ACACA: variants seen among roughly 807,000 people sequenced by gnomAD.
ACACA encodes acetyl-CoA carboxylase alpha, also known as acetyl-CoA carboxylase 1.
A neutral mutation model predicts 296.1 loss-of-function variants in ACACA; 103 were observed. The ratio of observed to expected loss-of-function variants is 0.35; its 90% CI spans 0.30 to 0.41. ACACA has a LOEUF of 0.41. ACACA is among the 10% of genes least tolerant of loss of function. ACACA has a pLI of 1.00. For missense variants in ACACA, 1,554 were observed against 2,989.7 expected (o/e 0.52, Z 11.20); for synonymous variants, 953 against 1,038.6 (o/e 0.92, Z 1.58).
intron 45 of ACACA, among the ~76,000 whole-genome samples, chr17:37,134,687 A>G (rs912483620): frequency 1.3e-5 from 2 of 152,150 alleles, no homozygotes; most frequent in African/African-American, 4.8e-5. Context: ...CAGGACATCT[A>G]TTTAAGGAAG....
chr17:37,123,656 G>A (rs1292569905), intron 48 of ACACA, among the ~76,000 whole-genome samples: 1 of 152,130 alleles, frequency 6.6e-6, no homozygotes, highest in African/African-American at 2.4e-5. Flanking sequence ...GGGCTGACAA[G>A]GGCCTGAGTG....
At chr17:37,141,959 G>A (rs2143837248) in intron 45 of ACACA, among the ~76,000 whole-genome samples, 1 of 151,586 alleles carries the variant, frequency 6.6e-6, no homozygotes, top group South Asian at 2.1e-4. Flanking sequence ...CCAAAGTGCT[G>A]GGATTACAGG....
At chr17:37,125,538 A>C (rs552194516) in intron 48 of ACACA, among the ~76,000 whole-genome samples, 160 bp downstream of exon 48, 2 of 152,356 alleles carry the variant, frequency 1.3e-5, no homozygotes, top group South Asian at 4.1e-4. Context: ...ACTGAGAACC[A>C]GCACTCCAAT....
chr17:37,276,084 A>T (rs1276575837), intron 7 of ACACA, 35 bp from the exon 8 acceptor site: 1 of 1,529,756 alleles, frequency 6.5e-7, no homozygotes, highest in Non-Finnish European at 9.1e-7. Context: ...CCTGACTGTA[A>T]CACCTTGGCC....
At chr17:37,144,094 T>C (rs897475780) in intron 45 of ACACA, 22 of 762,204 alleles carry the variant, frequency 2.9e-5, no homozygotes, top group Non-Finnish European at 3.2e-5. Context: ...ATAATGGGTC[T>C]TGTCTGTCTT....
chr17:37,319,550 C>A (rs777514366), intron 3 of ACACA, among the ~76,000 whole-genome samples: 1 of 152,004 alleles, frequency 6.6e-6, no homozygotes, highest in Non-Finnish European at 1.5e-5. Context: ...AGGCTGGGCA[C>A]GGTAGCTCAC....
At chr17:37,279,535 G>A (rs2082414944) in intron 5 of ACACA, among the ~76,000 whole-genome samples, 1 of 151,970 alleles carries the variant, frequency 6.6e-6, no homozygotes, top group Non-Finnish European at 1.5e-5. Flanking sequence ...GACAGAGTGA[G>A]GCTGAGGGAG....
At chr17:37,181,608 C>T (rs1364660722) in intron 39 of ACACA, among the ~76,000 whole-genome samples, 1 of 151,824 alleles carries the variant, frequency 6.6e-6, no homozygotes, top group Non-Finnish European at 1.5e-5. Context: ...TTGAAATCAA[C>T]AAGAAAGAAG....
chr17:37,289,565 G>A lies in ACACA; in HGVS notation c.339-4595C>T, dbSNP rs770642054. The A allele has an allele frequency of 2.2e-5, 27 of 1,214,158 alleles. 1 individual carries two copies. The East Asian group carries it at 1.2e-3, about 55-fold the overall frequency. 75.2% of individuals were successfully genotyped at this position (1,214,158 alleles called of 1,614,324 possible). ...AAAATGTCAATCAAAATGCAAACTA[G>A]GACTGATCTTCTTAGGAACTTCCAT... On this transcript the variant is annotated intron_variant, in intron 3 of 55. Coordinates refer to ENST00000616317, the MANE Select transcript of ACACA (RefSeq NM_198834.3).
At chr17:37,155,536 G>A (rs565412144) in intron 43 of ACACA, 147 bp downstream of exon 43, 50 of 649,544 alleles carry the variant, frequency 7.7e-5, no homozygotes, top group Non-Finnish European at 1.3e-4. Flanking sequence ...GCTAATAAGT[G>A]GTAGAGCTGG....
At chr17:37,289,300 C>T (rs1029568775) in intron 3 of ACACA, 4 of 420,536 alleles carry the variant, frequency 9.5e-6, no homozygotes, top group Admixed American at 3.8e-5. Flanking sequence ...TTTAACTGTC[C>T]ACATAAAACA....
At chr17:37,314,545 C>G (rs993901145) in intron 3 of ACACA, among the ~76,000 whole-genome samples, 2 of 151,920 alleles carry the variant, frequency 1.3e-5, no homozygotes, top group Non-Finnish European at 2.9e-5. Context: ...ATACCAGACT[C>G]TCCTGGAAAG....
In ACACA at chr17:37,257,577, T is replaced by G. The variant is rs374348999; in HGVS notation, c.1826+126A>C. On this transcript the variant is annotated intron_variant, in intron 14 of 55. Transcript: ENST00000616317. ...AAGTGTAATTAAAGATATTCAAAAT[T>G]TCTTCAAAAAGGTTGTTCATATTAT... The G allele has an allele frequency of 2.9e-5, 26 of 887,904 alleles. No individual in the cohort carries two copies. In the East Asian group the frequency reaches 4.5e-4, roughly 15 times the overall value. The allele number at this position is 887,904 out of a possible 1,614,324, so 55.0% of individuals were successfully genotyped here. A position where few individuals can be genotyped will look rare whatever the true frequency, so the allele number is the denominator to read the frequency against.
intron 47 of ACACA, among the ~76,000 whole-genome samples, 195 bp from the exon 48 acceptor site, chr17:37,125,989 T>TAAAA (rs2074765260): frequency 1.3e-5 from 2 of 152,234 alleles, no homozygotes; most frequent in African/African-American, 2.4e-5. Flanking sequence ...TTTCATTTGC[T>TAAAA]AGTCTGCATA....
intron 3 of ACACA, among the ~76,000 whole-genome samples, chr17:37,300,021 C>T (rs1213942567): frequency 1.3e-5 from 2 of 152,122 alleles, no homozygotes; most frequent in African/African-American, 2.4e-5. Context: ...AAGTGTGAGC[C>T]ACGATTCTAA....
intron 3 of ACACA, among the ~76,000 whole-genome samples, chr17:37,322,528 G>A (rs1190603728): frequency 1.3e-5 from 2 of 152,134 alleles, no homozygotes; most frequent in African/African-American, 4.8e-5. Flanking sequence ...TGTACCTATG[G>A]ACCTAAGTGA....
At chr17:37,125,232 T>G (rs1250828428) in intron 48 of ACACA, among the ~76,000 whole-genome samples, 2 of 150,846 alleles carry the variant, frequency 1.3e-5, no homozygotes, top group Non-Finnish European at 3.0e-5. Context: ...TTTTTTTTTT[T>G]GGCAATTCAC....
chr17:37,290,791 T>G (rs771504175), intron 3 of ACACA, among the ~76,000 whole-genome samples: 62 of 152,072 alleles, frequency 4.1e-4, no homozygotes, highest in Non-Finnish European at 8.1e-4. Flanking sequence ...ACGTATAAAA[T>G]ACGCTAACAC....
chr17:37,088,998 G>A lies in ACACA; in HGVS notation c.6968C>T (p.Ser2323Leu), dbSNP rs770581681. Residue 2323 changes from serine (S) to leucine (L), a missense_variant, in exon 55 of 56, where the codon TCG (serine) becomes TTG (leucine). Around this residue, in one of 16 missense-constraint regions of ACACA, gnomAD observed 553 missense variants for 1,043.6 expected, o/e 0.53. Transcript: ENST00000616317. ...KQLTEEDGVH[S>L]VIEENIKCIS... ...GCATTTGATGTTTTCCTCTATTACCGAGTGAACACCATCCTCCTCTGTCAG... is the reference window on the plus strand; with the variant it reads ...GCATTTGATGTTTTCCTCTATTACCAAGTGAACACCATCCTCCTCTGTCAG... 19 of 1,613,986 alleles carry A rather than the reference G, an allele frequency of 1.2e-5. No homozygotes were observed. Among genetic ancestry groups the A allele is most frequent in the Admixed American group, 1.7e-5 (1 of 59,990 alleles).
Sources: allele counts gnomAD v4.1 joint callset (sites outside exome capture counted in the v4.1 genomes callset), GRCh38; gene constraint gnomAD v4.1.1; regional missense constraint gnomAD v4.1.1; transcripts MANE v1.5; gene names NCBI Gene and HGNC (gene_info 2026-07-23, HGNC 2026-07-21).